The following PCDH11X variants were observed in gnomAD, a reference collection of about 807,000 sequenced individuals.
PCDH11X encodes the protein protocadherin 11 X-linked, also known as protocadherin-11 X-linked.
PCDH11X carries 18 observed loss-of-function variants against 53.3 expected under a neutral mutation model. That is an observed-to-expected ratio of 0.34 (90% CI 0.23 to 0.50). The LOEUF is 0.50. Ranked by LOEUF, PCDH11X falls within the 20% of genes least tolerant of loss-of-function variation. The pLI is 0.98. For synonymous variants in PCDH11X, 279 were observed against 393.3 expected, an observed-to-expected ratio of 0.71 and a Z score of 3.44; for missense variants, 570 against 1,032.4, an observed-to-expected ratio of 0.55 and a Z score of 6.14.
intron 6 of PCDH11X, among the ~76,000 whole-genome samples, chrX:92,163,697 G>A (rs935768927): frequency 9.9e-5 from 11 of 110,949 alleles, no homozygotes; most frequent in Admixed American, 1.9e-4. Flanking sequence ...GCTGTCTCCC[G>A]GCTCCTGCAG....
At chrX:91,899,424 C>A (rs1044575945) in intron 6 of PCDH11X, among the ~76,000 whole-genome samples, 22 of 110,861 alleles carry the variant, frequency 2.0e-4, no homozygotes, top group Non-Finnish European at 4.0e-4. Context: ...CTTTCCCAGT[C>A]CACTGACTCA....
chrX:92,154,788 G>A (rs1224700262), intron 6 of PCDH11X, among the ~76,000 whole-genome samples: 9 of 100,928 alleles, frequency 8.9e-5, no homozygotes, highest in Non-Finnish European at 1.2e-4. Flanking sequence ...CGAGCGGCCC[G>A]ATTCCGGGGG....
chrX:92,258,749 G>C (rs2067653611), intron 7 of PCDH11X, among the ~76,000 whole-genome samples: 2 of 111,584 alleles, frequency 1.8e-5, no homozygotes, highest in African/African-American at 3.3e-5. Context: ...ACATGGCCAG[G>C]CTGCAAATTT....
At chrX:92,248,169 A>T (rs993945774) in intron 7 of PCDH11X, among the ~76,000 whole-genome samples, 1 of 111,449 alleles carries the variant, frequency 9.0e-6, no homozygotes, top group Non-Finnish European at 1.9e-5. Flanking sequence ...ATCCCAGAAG[A>T]CAATATGTTT....
chrX:91,787,177 A>G (rs1454278369), intron 1 of PCDH11X, among the ~76,000 whole-genome samples: 2 of 106,833 alleles, frequency 1.9e-5, no homozygotes, highest in African/African-American at 3.4e-5. Context: ...TAATGTAGCA[A>G]ATGTTTAGTC....
intron 6 of PCDH11X, among the ~76,000 whole-genome samples, chrX:91,990,345 A>ATTT (rs61496530): frequency 0.023 from 2,051 of 90,249 alleles, 71 homozygotes; most frequent in African/African-American, 0.067. Flanking sequence ...GAAACTTTCT[A>ATTT]TTTTTTTTTT....
intron 6 of PCDH11X, among the ~76,000 whole-genome samples, chrX:92,027,648 A>G (rs1207895557): frequency 9.7e-6 from 1 of 103,232 alleles, no homozygotes; most frequent in Non-Finnish European, 2.0e-5. Context: ...CCATGCATAA[A>G]AAAGCATTAT....
At chrX:91,784,053 G>A (rs1935252423) in intron 1 of PCDH11X, among the ~76,000 whole-genome samples, 1 of 112,131 alleles carries the variant, frequency 8.9e-6, no homozygotes, top group African/African-American at 3.2e-5. Context: ...GAATAAGTAA[G>A]GAAGGGCATG....
chrX:92,550,031 G>A (rs1261875604), intron 10 of PCDH11X, among the ~76,000 whole-genome samples: 3 of 110,428 alleles, frequency 2.7e-5, no homozygotes, highest in Non-Finnish European at 5.7e-5. Flanking sequence ...GCTATAGAAT[G>A]CTAGAACTTA....
chrX:92,436,491 T>C (rs760797346), intron 9 of PCDH11X, among the ~76,000 whole-genome samples: 1 of 111,514 alleles, frequency 9.0e-6, no homozygotes, highest in Admixed American at 9.6e-5. Context: ...CCCAGAGGAA[T>C]AAAAATCATT....
chrX:92,397,994 C>T (rs984272167), intron 9 of PCDH11X, among the ~76,000 whole-genome samples: 2 of 110,196 alleles, frequency 1.8e-5, no homozygotes, highest in Admixed American at 1.9e-4. Context: ...TAGGATTTGA[C>T]CCAAATTAAA....
intron 9 of PCDH11X, among the ~76,000 whole-genome samples, chrX:92,425,735 G>C (rs1466854800): frequency 1.2e-5 from 1 of 80,621 alleles, no homozygotes; most frequent in Non-Finnish European, 2.4e-5. Flanking sequence ...GAAAAGTCTG[G>C]GTATTGATCC....
chrX:92,130,211 A>C (rs1330631144), intron 6 of PCDH11X, among the ~76,000 whole-genome samples: 2 of 111,376 alleles, frequency 1.8e-5, no homozygotes, highest in East Asian at 5.6e-4. Flanking sequence ...TTCTGTTATT[A>C]TTGTAAAGCA....
chrX:92,024,393 A>G (rs2062934791), intron 6 of PCDH11X, among the ~76,000 whole-genome samples: 1 of 110,947 alleles, frequency 9.0e-6, no homozygotes, highest in Admixed American at 9.8e-5. Flanking sequence ...GAGCCAAATC[A>G]TGAATGAACT....
intron 6 of PCDH11X, among the ~76,000 whole-genome samples, chrX:92,154,358 T>C (rs2759776): frequency 0.054 from 5,884 of 108,805 alleles, 634 homozygotes; most frequent in African/African-American, 0.2. Flanking sequence ...AGTTAAATTC[T>C]CAGTAGTTAC....
chrX:92,528,038 A>C (rs1290477853), intron 10 of PCDH11X, among the ~76,000 whole-genome samples: 1 of 111,793 alleles, frequency 8.9e-6, no homozygotes, highest in East Asian at 2.8e-4. Context: ...TTCTAAATGT[A>C]CTCTTATTCC....
intron 5 of PCDH11X, among the ~76,000 whole-genome samples, chrX:91,853,149 G>A (rs886195542): frequency 4.4e-4 from 48 of 109,584 alleles, no homozygotes; most frequent in African/African-American, 1.4e-3. Flanking sequence ...ATAATTTATC[G>A]TAAATGTAGA....
intron 8 of PCDH11X, among the ~76,000 whole-genome samples, chrX:92,273,421 T>C (rs1359552821): frequency 9.0e-6 from 1 of 111,666 alleles, no homozygotes; most frequent in Non-Finnish European, 1.9e-5. Context: ...GCCTTTTCAC[T>C]TCTTTTGTGA....
chrX:91,851,896 A>G (rs1425764468), intron 5 of PCDH11X, among the ~76,000 whole-genome samples: 1 of 111,484 alleles, frequency 9.0e-6, no homozygotes, highest in Non-Finnish European at 1.9e-5. Flanking sequence ...CATACAAATA[A>G]TCTAAGTCAA....
Sources: allele counts gnomAD v4.1 joint callset (sites outside exome capture counted in the v4.1 genomes callset), GRCh38; gene constraint gnomAD v4.1.1; transcripts MANE v1.5; gene names NCBI Gene and HGNC (gene_info 2026-07-23, HGNC 2026-07-21).